Variants in ASTN2 observed in about 807,000 individuals in gnomAD.
The protein encoded by ASTN2 is astrotactin-2.
ASTN2 carries 54 observed loss-of-function variants against 139.8 expected under a neutral mutation model. The ratio of observed to expected loss-of-function variants is 0.39; its 90% CI spans 0.31 to 0.48. The LOEUF is 0.48. ASTN2 is among the 20% of genes least tolerant of loss of function. The pLI, the probability that ASTN2 is intolerant of heterozygous loss-of-function variation, is 0.95. For missense variants in ASTN2, 1,565 were observed against 1,725.1 expected (o/e 0.91, Z 1.64); for synonymous variants, 756 against 719.5 (o/e 1.05, Z -0.81).
intron 6 of ASTN2, among the ~76,000 whole-genome samples, chr9:117,033,384 T>C (rs1838301370): frequency 6.6e-6 from 1 of 152,146 alleles, no homozygotes; most frequent in Non-Finnish European, 1.5e-5. Context: ...ATTGAACCAT[T>C]ACTAGGTCTT....
At chr9:117,209,031 A>G (rs1003521326) in intron 3 of ASTN2, among the ~76,000 whole-genome samples, 1 of 152,212 alleles carries the variant, frequency 6.6e-6, no homozygotes, top group African/African-American at 2.4e-5. Flanking sequence ...AATATGCAAA[A>G]CTATACAACT....
rs1295091712 is a variant in ASTN2 at position 116,548,831 on chromosome 9, T to C, written c.3356-61331A>G. Among the ~76,000 whole-genome samples, 3 of 152,276 alleles carry C rather than the reference T, an allele frequency of 2.0e-5. No individual in the cohort carries two copies. The East Asian group carries it at 5.8e-4, about 29-fold the overall frequency. On this transcript the variant is annotated intron_variant, in intron 19 of 22. Transcript: ENST00000313400. ...CCATCCCCATAAATTACCATTGAACTGGCTTGGTATAGGGGTCTGGGCAGC... is the reference window on the plus strand; with the variant it reads ...CCATCCCCATAAATTACCATTGAACCGGCTTGGTATAGGGGTCTGGGCAGC...
rs1235981544 is a variant in ASTN2 at position 117,016,659 on chromosome 9, C to CTA, written c.1424-8402_1424-8401dup. Among the ~76,000 whole-genome samples the CTA allele has an allele frequency of 6.7e-4, 8 of 11,968 alleles. 2 individuals carry two copies. Among genetic ancestry groups the CTA allele is most frequent in the Non-Finnish European group, 1.9e-3 (8 of 4,112 alleles). The allele number at this position is 11,968 out of a possible 152,430, so 7.9% of individuals were successfully genotyped here. ...ATATATATATATATATATATATAAC[C>CTA]TATATATATGTTACATATATATAGG... On this transcript the variant is annotated intron_variant, in intron 6 of 22. Coordinates refer to ENST00000313400, the MANE Select transcript of ASTN2 (RefSeq NM_001365068.1).
intron 1 of ASTN2, among the ~76,000 whole-genome samples, chr9:117,373,843 G>A (rs932200676): frequency 6.6e-6 from 1 of 152,152 alleles, no homozygotes. Flanking sequence ...TAGGGATTTG[G>A]GGGAAAACAC....
At chr9:117,105,078 C>T (rs1469035800) in intron 4 of ASTN2, among the ~76,000 whole-genome samples, 3 of 152,074 alleles carry the variant, frequency 2.0e-5, no homozygotes, top group African/African-American at 7.2e-5. Flanking sequence ...GGGGCCATAA[C>T]AAAATCTCCC....
intron 20 of ASTN2, among the ~76,000 whole-genome samples, chr9:116,453,664 T>C (rs189600311): frequency 1.6e-5 from 2 of 124,514 alleles, no homozygotes; most frequent in East Asian, 5.4e-4. Context: ...CTTGGTACAA[T>C]AAATGTTATC....
intron 4 of ASTN2, among the ~76,000 whole-genome samples, chr9:117,135,082 A>G (rs370303906): frequency 3.2e-4 from 48 of 152,328 alleles, no homozygotes; most frequent in African/African-American, 1.1e-3. Flanking sequence ...AACACTGCCA[A>G]TGCAAGAGAA....
rs192942149 is a variant in ASTN2, at chr9:117,169,414, G to A, written c.1016-27936C>T. Among the ~76,000 whole-genome samples the A allele has an allele frequency of 5.9e-4, 90 of 152,202 alleles. No individual in the cohort carries two copies. In the East Asian group the frequency reaches 6.0e-3, roughly 10 times the overall value. On this transcript the variant is annotated intron_variant, in intron 3 of 22. Transcript: ENST00000313400. Reference sequence around the variant, plus strand: ...AAAGGAAGAGGCACGTGGGCTTGGGGTTTATTTATAGTGACTCTCTGCTTT... The same window carrying A: ...AAAGGAAGAGGCACGTGGGCTTGGGATTTATTTATAGTGACTCTCTGCTTT...
At chr9:117,244,472 A>G (rs1833307030) in intron 2 of ASTN2, among the ~76,000 whole-genome samples, 2 of 151,814 alleles carry the variant, frequency 1.3e-5, no homozygotes, top group Non-Finnish European at 2.9e-5. Flanking sequence ...TCCTACAATT[A>G]TCTTAGACCA....
chr9:117,113,322 A>G (rs1829294629), intron 4 of ASTN2, among the ~76,000 whole-genome samples: 1 of 152,210 alleles, frequency 6.6e-6, no homozygotes, highest in Non-Finnish European at 1.5e-5. Flanking sequence ...AATAAGCTGC[A>G]ACCAACCCAA....
chr9:117,368,782 A>G (rs1306302340), intron 1 of ASTN2, among the ~76,000 whole-genome samples: 1 of 152,214 alleles, frequency 6.6e-6, no homozygotes, highest in Non-Finnish European at 1.5e-5. Flanking sequence ...TGGTTTATAA[A>G]TATAAAAATC....
intron 3 of ASTN2, among the ~76,000 whole-genome samples, chr9:117,203,765 A>C (rs1399320046): frequency 6.6e-6 from 1 of 152,080 alleles, no homozygotes; most frequent in Non-Finnish European, 1.5e-5. Context: ...AGAGGCACCA[A>C]CCTGATGCCA....
chr9:117,086,075 G>C (rs999678456), intron 5 of ASTN2, among the ~76,000 whole-genome samples: 1 of 152,202 alleles, frequency 6.6e-6, no homozygotes, highest in Non-Finnish European at 1.5e-5. Context: ...ACAGCATAGA[G>C]ATAATTCAAT....
At chr9:116,870,478 T>C (rs1833132558) in intron 10 of ASTN2, among the ~76,000 whole-genome samples, 1 of 152,210 alleles carries the variant, frequency 6.6e-6, no homozygotes, top group Admixed American at 6.5e-5. Flanking sequence ...ACTGAGCTGA[T>C]TATTATTATG....
intron 3 of ASTN2, among the ~76,000 whole-genome samples, chr9:117,156,721 T>A (rs904379293): frequency 3.3e-5 from 5 of 152,010 alleles, no homozygotes; most frequent in African/African-American, 1.2e-4. Context: ...CAGAAGAGAT[T>A]AAAGCATTTG....
At chr9:117,020,040 G>A (rs1342775258) in intron 6 of ASTN2, among the ~76,000 whole-genome samples, 2 of 143,168 alleles carry the variant, frequency 1.4e-5, no homozygotes, top group East Asian at 2.0e-4. Flanking sequence ...GTGTGTGTGT[G>A]TGTGTATGTG....
chr9:116,474,904 C>T (rs924825141), intron 20 of ASTN2, among the ~76,000 whole-genome samples: 5 of 152,100 alleles, frequency 3.3e-5, no homozygotes, highest in East Asian at 1.9e-4. Context: ...GTACTTTGTT[C>T]CTGACAAGGA....
intron 2 of ASTN2, among the ~76,000 whole-genome samples, chr9:117,256,440 G>A (rs73517283): frequency 0.11 from 16,143 of 152,104 alleles, 1,364 homozygotes; most frequent in African/African-American, 0.22. Context: ...ATCATGGAAC[G>A]TTATCATTGG....
intron 19 of ASTN2, among the ~76,000 whole-genome samples, chr9:116,497,768 A>G (rs1588115251): frequency 6.6e-6 from 1 of 152,110 alleles, no homozygotes; most frequent in South Asian, 2.1e-4. Context: ...CTCCCCCCCA[A>G]TCACTCTTTA....
Sources: allele counts gnomAD v4.1 joint callset (sites outside exome capture counted in the v4.1 genomes callset), GRCh38; gene constraint gnomAD v4.1.1; transcripts MANE v1.5; gene names NCBI Gene and HGNC (gene_info 2026-07-23, HGNC 2026-07-21).